Variants in STAM2 observed in about 807,000 individuals in gnomAD.
STAM2 encodes the protein signal transducing adapter molecule 2.
A neutral mutation model predicts 65.6 loss-of-function variants in STAM2; 51 were observed. That is an observed-to-expected ratio of 0.78 (90% CI 0.62 to 0.98). The LOEUF (loss-of-function observed/expected upper bound fraction) is 0.98. Ranked by LOEUF, STAM2 falls within the 50% of genes least tolerant of loss-of-function variation. The pLI, the probability that STAM2 is intolerant of heterozygous loss-of-function variation, is 0.00. For missense variants in STAM2, 584 were observed against 617.8 expected (o/e 0.95, Z 0.58); for synonymous variants, 198 against 208.4 (o/e 0.95, Z 0.43).
Position 152,159,920 on chromosome 2 carries a change from G to C in STAM2, c.41-9691C>G, listed in dbSNP as rs929550137. On this transcript the variant is annotated intron_variant, in intron 1 of 13. Transcript: ENST00000263904. ...GTTTTCCTATTTTTTTGGTGGAGACGGGGTTTCGCTGTGTTGGCCGGGCTG... is the reference window on the plus strand; with the variant it reads ...GTTTTCCTATTTTTTTGGTGGAGACCGGGTTTCGCTGTGTTGGCCGGGCTG... 4.5e-4 allele frequency among the ~76,000 whole-genome samples: 68 copies of C among 152,330 alleles called. 1 individual carries two copies. The highest frequency in any genetic ancestry group is 2.2e-3 in the Admixed American group (33 of 15,308).
chr2:152,160,572 G>A (rs1230582916), intron 1 of STAM2, among the ~76,000 whole-genome samples: 19 of 145,380 alleles, frequency 1.3e-4, no homozygotes, highest in South Asian at 2.3e-4. Flanking sequence ...GTCAGCCCCC[G>A]CCAGGCCAGC....
At chr2:152,137,157 G>A (rs567211390) in intron 7 of STAM2, among the ~76,000 whole-genome samples, 1 of 151,998 alleles carries the variant, frequency 6.6e-6, no homozygotes, top group South Asian at 2.1e-4. Flanking sequence ...CAAAGTGCTG[G>A]GATTACAGGT....
chr2:152,141,258 C>T (rs917386309), intron 7 of STAM2, among the ~76,000 whole-genome samples: 3 of 142,988 alleles, frequency 2.1e-5, no homozygotes, highest in Non-Finnish European at 3.1e-5. Flanking sequence ...GCCTTTGGGC[C>T]GGCACAGTGG....
At chr2:152,132,063 C>T in intron 11 of STAM2, 51 bp downstream of exon 11, 4 of 1,378,042 alleles carry the variant, frequency 2.9e-6, no homozygotes, top group Non-Finnish European at 4.1e-6. Context: ...TGCCAAAACA[C>T]AAGTGAACCC....
rs10524193 is a variant in STAM2, at chr2:152,159,094, CAT to C, written c.41-8867_41-8866del. Among the ~76,000 whole-genome samples, 55 of 102,904 alleles carry C rather than the reference CAT, an allele frequency of 5.3e-4. 1 individual carries two copies. The highest frequency in any genetic ancestry group is 1.6e-3 in the South Asian group (5 of 3,042). 67.5% of individuals were successfully genotyped at this position (102,904 alleles called of 152,430 possible). A position where few individuals can be genotyped will look rare whatever the true frequency, so the allele number is the denominator to read the frequency against. ...CAAGAAAAGCTAGCCAAAAAAAAAC[CAT>C]ATATATATATATATACACACACAGA... is the stretch of plus-strand genomic sequence containing the variant. On this transcript the variant is annotated intron_variant, in intron 1 of 13. Coordinates refer to ENST00000263904, the MANE Select transcript of STAM2 (RefSeq NM_005843.6).
chr2:152,147,777 A>G (rs563735414), intron 4 of STAM2, among the ~76,000 whole-genome samples: 1 of 152,326 alleles, frequency 6.6e-6, no homozygotes, highest in East Asian at 1.9e-4. Context: ...TATATGTAAA[A>G]TGCTTAAAGT....
chr2:152,128,069 T>C (rs1209008180), intron 11 of STAM2, among the ~76,000 whole-genome samples: 1 of 152,166 alleles, frequency 6.6e-6, no homozygotes, highest in Non-Finnish European at 1.5e-5. Context: ...AAAAGTCTTC[T>C]CTCTCTGGTA....
intron 12 of STAM2, chr2:152,124,332 T>C: frequency 6.3e-6 from 1 of 159,950 alleles, no homozygotes. Context: ...TTCTTTACCC[T>C]CATCCCTGGA....
At chr2:152,165,196 C>A (rs767723870) in intron 1 of STAM2, among the ~76,000 whole-genome samples, 1 of 151,814 alleles carries the variant, frequency 6.6e-6, no homozygotes, top group Non-Finnish European at 1.5e-5. Context: ...GAGGCCGAGG[C>A]GGGCAGATCA....
intron 1 of STAM2, among the ~76,000 whole-genome samples, chr2:152,158,128 GA>G (rs1560221293): frequency 6.6e-6 from 1 of 152,150 alleles, no homozygotes; most frequent in Non-Finnish European, 1.5e-5. Flanking sequence ...GCAGAGAAAT[GA>G]AAACTATAAA....
Position 152,120,755 on chromosome 2 carries a change from GA to G in STAM2, c.1396del (p.Ser466LeufsTer40). The G allele has an allele frequency of 6.2e-7, 1 of 1,614,160 alleles. No homozygotes were observed. On this transcript the variant is annotated frameshift_variant, in exon 14 of 14. Transcript: ENST00000263904. LOFTEE classifies it high-confidence loss of function. ...TGTACCAGTAGCTGACTGTAGGTTA[GA>G]GTTCTGGTTCATATAAGTAGGATTG... ...VSNPTYMNQN[S>X]NLQSATGTTA...
intron 13 of STAM2, 148 bp downstream of exon 13, chr2:152,123,618 G>A: frequency 2.5e-6 from 2 of 797,546 alleles, no homozygotes; most frequent in Admixed American, 2.8e-5. Flanking sequence ...CTCAGTATGG[G>A]TAGCAAAGCT....
At chr2:152,175,486 T>TC in intron 1 of STAM2, 117 bp downstream of exon 1, 1 of 1,348,038 alleles carries the variant, frequency 7.4e-7, no homozygotes, top group Non-Finnish European at 1.0e-6. Context: ...GCACCGCCCC[T>TC]CCCCTCCCTT....
intron 13 of STAM2, among the ~76,000 whole-genome samples, chr2:152,121,773 G>A (rs1043738621): frequency 2.6e-5 from 4 of 152,144 alleles, no homozygotes; most frequent in East Asian, 1.9e-4. Context: ...GGCTGGAAGC[G>A]GTGGCTCACA....
chr2:152,139,839 GAAC>G (rs1579318769), intron 7 of STAM2, among the ~76,000 whole-genome samples: 1 of 151,318 alleles, frequency 6.6e-6, no homozygotes, highest in Non-Finnish European at 1.5e-5. Flanking sequence ...AATGACAATA[GAAC>G]AACAAAAAAA....
At chr2:152,124,164 G>A (rs1186059637) in intron 12 of STAM2, 1 of 484,108 alleles carries the variant, frequency 2.1e-6, no homozygotes, top group African/African-American at 1.9e-5. Flanking sequence ...ACAGAGAGCT[G>A]GGAGAAAGAC....
rs1354179287 is a variant in STAM2 at position 152,126,288 on chromosome 2, C to CT, written c.1116dup (p.Val373SerfsTer47). The CT allele has an allele frequency of 1.9e-6, 3 of 1,611,092 alleles. No individual in the cohort carries two copies. Among genetic ancestry groups the CT allele is most frequent in the Admixed American group, 3.4e-5 (2 of 59,618 alleles). On this transcript the variant is annotated frameshift_variant, in exon 12 of 14. Transcript: ENST00000263904. LOFTEE classifies it high-confidence loss of function. ...GCTGGAGGGTGGAGCTTTGAATAGA[C>CT]TGAGTACACTGGTGCTTCATTCACC...
Position 152,117,522 on chromosome 2 carries a change from C to T in STAM2, c.*3052G>A, listed in dbSNP as rs1237841119. 6.6e-6 allele frequency: 1 copy of T among 152,064 alleles called. No individual in the cohort carries two copies. Among genetic ancestry groups the T allele is most frequent in the African/African-American group, 2.4e-5 (1 of 41,400 alleles). 9.4% of individuals were successfully genotyped at this position (152,064 alleles called of 1,614,324 possible). A position where few individuals can be genotyped will look rare whatever the true frequency, so the allele number is the denominator to read the frequency against. ...AAAGAAAATTAAACCAAACAAAAATCAAATCCCTAAAACTGAGTATTCCCA... is the reference window on the plus strand; with the variant it reads ...AAAGAAAATTAAACCAAACAAAAATTAAATCCCTAAAACTGAGTATTCCCA... On this transcript the variant is annotated 3_prime_UTR_variant, in exon 14 of 14. Transcript: ENST00000263904.
At chr2:152,142,924 C>T (rs970581767) in intron 7 of STAM2, among the ~76,000 whole-genome samples, 5 of 152,132 alleles carry the variant, frequency 3.3e-5, no homozygotes, top group Admixed American at 1.3e-4. Context: ...GAAATGGAGC[C>T]GCAGGATAAG....
Sources: gnomAD v4.1 joint callset for allele counts (sites outside exome capture counted in the v4.1 genomes callset) on GRCh38, gnomAD v4.1.1 for gene constraint, MANE v1.5 for transcripts, NCBI Gene and HGNC (gene_info 2026-07-23, HGNC 2026-07-21) for gene names.